The following MROH1 variants were observed in gnomAD, a reference collection of about 807,000 sequenced individuals.
MROH1 encodes the protein maestro heat like repeat family member 1.
In MROH1, 117 loss-of-function variants were observed where a neutral mutation model predicts 116.5. The ratio of observed to expected loss-of-function variants is 1.00; its 90% CI spans 0.86 to 1.17. The LOEUF (loss-of-function observed/expected upper bound fraction) is 1.17, where lower values mean the gene tolerates loss of function less well. Among genes scored for constraint, MROH1 ranks in the 50% most tolerant of loss-of-function variants. The pLI, the probability that MROH1 is intolerant of heterozygous loss-of-function variation, is 0.00. For missense variants in MROH1, 1,873 were observed against 1,338.5 expected (o/e 1.40, Z -6.23); for synonymous variants, 921 against 583.9 (o/e 1.58, Z -8.32).
chr8:144,253,677 G>A (rs1843211820), intron 33 of MROH1, among the ~76,000 whole-genome samples: 4 of 151,942 alleles, frequency 2.6e-5, no homozygotes, highest in South Asian at 4.2e-4. Context: ...CTTGAAGGAC[G>A]CTCCTGGAAT....
rs1216502458 is a variant in MROH1, at chr8:144,261,268, TG to T, written c.4775-15del. The T allele has an allele frequency of 2.9e-5, 22 of 747,468 alleles. No homozygotes were observed. In the East Asian group the frequency reaches 5.2e-4, roughly 18 times the overall value. 46.3% of individuals were successfully genotyped at this position (747,468 alleles called of 1,614,324 possible). A position where few individuals can be genotyped will look rare whatever the true frequency, so the allele number is the denominator to read the frequency against. On this transcript the variant is annotated splice_polypyrimidine_tract_variant and intron_variant, in intron 42 of 43. Coordinates refer to ENST00000326134, the MANE Select transcript of MROH1 (RefSeq NM_032450.3). ...CACGCCGCCCGGCAGCCCCGCCTGA[TG>T]CCCCCACTTCACAGGGTTCCTGGTG...
At chr8:144,252,034 C>T (rs1365507540) in intron 33 of MROH1, 5 of 206,740 alleles carry the variant, frequency 2.4e-5, no homozygotes, top group Admixed American at 6.3e-5. Flanking sequence ...CGGGTAGTGC[C>T]GGGTGCTGCT....
intron 12 of MROH1, among the ~76,000 whole-genome samples, chr8:144,205,471 T>C (rs1195497327): frequency 1.3e-5 from 2 of 151,436 alleles, no homozygotes; most frequent in East Asian, 3.9e-4. Context: ...TCTGCCTAGA[T>C]GCCCAAAGGA....
chr8:144,212,145 T>C (rs989414740), intron 12 of MROH1, among the ~76,000 whole-genome samples: 5 of 151,996 alleles, frequency 3.3e-5, no homozygotes, highest in African/African-American at 1.2e-4. Flanking sequence ...GTGTAGCGGC[T>C]CAAACACGGC....
In MROH1 at chr8:144,244,206, T is replaced by G. The variant is rs1451637633; in HGVS notation, c.2556-16T>G. 1.4e-6 allele frequency: 1 copy of G among 716,738 alleles called. No homozygotes were observed. Among genetic ancestry groups the G allele is most frequent in the Non-Finnish European group, 2.6e-6 (1 of 384,912 alleles). 44.4% of individuals were successfully genotyped at this position (716,738 alleles called of 1,614,324 possible). A position where few individuals can be genotyped will look rare whatever the true frequency, so the allele number is the denominator to read the frequency against. On this transcript the variant is annotated splice_polypyrimidine_tract_variant and intron_variant, in intron 26 of 43. Coordinates refer to ENST00000326134, the MANE Select transcript of MROH1 (RefSeq NM_032450.3). ...GCCTTAGGATCATTGTCTGGGGCCC[T>G]TAACTTGCCTCTCAGCTCCGTGGAG... is the stretch of plus-strand genomic sequence containing the variant.
intron 1 of MROH1, among the ~76,000 whole-genome samples, chr8:144,158,693 T>C (rs954646281): frequency 3.8e-4 from 58 of 152,232 alleles, no homozygotes; most frequent in Non-Finnish European, 6.9e-4. Flanking sequence ...TATATTTAAT[T>C]CCACTGTGGT....
intron 10 of MROH1, among the ~76,000 whole-genome samples, chr8:144,193,819 G>A (rs1564444500): frequency 6.6e-6 from 1 of 152,052 alleles, no homozygotes; most frequent in Non-Finnish European, 1.5e-5. Flanking sequence ...ATGTTGGCCA[G>A]GCTGATCTCG....
intron 36 of MROH1, 28 bp from the exon 37 acceptor site, chr8:144,259,212 C>T (rs1403967202): frequency 1.4e-6 from 1 of 710,342 alleles, no homozygotes; most frequent in African/African-American, 1.7e-5. Context: ...GCAACAGCCC[C>T]TGCACCCTCA....
intron 35 of MROH1, among the ~76,000 whole-genome samples, chr8:144,257,801 G>C (rs1000497006): frequency 1.3e-5 from 2 of 152,276 alleles, no homozygotes; most frequent in Non-Finnish European, 2.9e-5. Flanking sequence ...GCCGCTCGGG[G>C]GTTGTCTGCT....
chr8:144,193,927 A>G (rs575554559), intron 10 of MROH1, among the ~76,000 whole-genome samples: 96 of 152,058 alleles, frequency 6.3e-4, no homozygotes, highest in African/African-American at 2.2e-3. Flanking sequence ...GCTTTTCAAA[A>G]CACCTTATGC....
At chr8:144,251,516 C>T (rs972988062) in intron 33 of MROH1, 7,068 of 152,266 alleles carry the variant, frequency 0.046, 219 homozygotes, top group African/African-American at 0.083. Flanking sequence ...TTTCTTTTAG[C>T]GTTTGCCCTA....
intron 35 of MROH1, among the ~76,000 whole-genome samples, chr8:144,256,496 G>A (rs1482192195): frequency 6.6e-6 from 1 of 151,720 alleles, no homozygotes; most frequent in Non-Finnish European, 1.5e-5. Context: ...ACCCAGGCCA[G>A]CTCGTAAAGC....
At chr8:144,238,723 C>T in intron 14 of MROH1, 33 bp from the exon 15 acceptor site, 3 of 766,232 alleles carry the variant, frequency 3.9e-6, no homozygotes, top group South Asian at 2.7e-5. Context: ...CCATGGCCGC[C>T]CACGCACGCC....
chr8:144,222,842 A>G (rs1414418482), intron 13 of MROH1, among the ~76,000 whole-genome samples: 1 of 151,816 alleles, frequency 6.6e-6, no homozygotes, highest in Admixed American at 6.6e-5. Flanking sequence ...AGGTATGGAT[A>G]CAGGTAGGTA....
At position 144,190,529 on chromosome 8, in the gene MROH1, G is replaced by C. The variant is rs554005909; in HGVS notation, c.563-255G>C. Reference sequence around the variant, plus strand: ...AGCAAGACTGTGTCACAACACACCAGCCTGAGTGACAGACCGAGCAAGACT... The same window carrying C: ...AGCAAGACTGTGTCACAACACACCACCCTGAGTGACAGACCGAGCAAGACT... On this transcript the variant is annotated intron_variant, in intron 7 of 43. Transcript: ENST00000326134. Among the ~76,000 whole-genome samples, 5 of 152,220 alleles carry C rather than the reference G, an allele frequency of 3.3e-5. No homozygotes were observed. The South Asian group carries it at 1.0e-3, about 32-fold the overall frequency.
chr8:144,176,457 G>C (rs1823947945), intron 4 of MROH1, among the ~76,000 whole-genome samples: 1 of 150,210 alleles, frequency 6.7e-6, no homozygotes, highest in Non-Finnish European at 1.5e-5. Flanking sequence ...GGTCTCTTGA[G>C]CCTGCAAGTT....
At position 144,200,427 on chromosome 8, in the gene MROH1, G is replaced by A; in HGVS notation, c.1028-1G>A. On this transcript the variant is annotated splice_acceptor_variant, in intron 11 of 43. Transcript: ENST00000326134. LOFTEE classifies it high-confidence loss of function. ...CCTAATCTGTACCCGTTGCCCTGTA[G>A]CCTGCAGCTCGCCTGACCGCCTACT... is the stretch of plus-strand genomic sequence containing the variant. 1 of 1,547,920 alleles carries A rather than the reference G, an allele frequency of 6.5e-7. No individual in the cohort carries two copies. The highest frequency in any genetic ancestry group is 8.7e-7 in the Non-Finnish European group (1 of 1,145,754).
chr8:144,173,574 C>T (rs1047507173), intron 4 of MROH1, among the ~76,000 whole-genome samples: 8 of 151,818 alleles, frequency 5.3e-5, no homozygotes, highest in African/African-American at 1.7e-4. Flanking sequence ...TACAGGTGCA[C>T]GCCACCACAC....
intron 3 of MROH1, among the ~76,000 whole-genome samples, chr8:144,167,998 G>A (rs529503680): frequency 1.3e-5 from 2 of 152,252 alleles, no homozygotes; most frequent in South Asian, 4.1e-4. Context: ...GGCAGGCTAT[G>A]TCCTCTGTGT....
Sources: gnomAD v4.1 joint callset for allele counts (sites outside exome capture counted in the v4.1 genomes callset) on GRCh38, gnomAD v4.1.1 for gene constraint, MANE v1.5 for transcripts, NCBI Gene and HGNC (gene_info 2026-07-23, HGNC 2026-07-21) for gene names.